Variants in FARSB observed in about 807,000 individuals in gnomAD.
FARSB encodes the protein phenylalanyl-tRNA synthetase subunit beta.
A neutral mutation model predicts 69.6 loss-of-function variants in FARSB; 40 were observed. That is an observed-to-expected ratio of 0.57 (90% CI 0.45 to 0.75). FARSB has a LOEUF of 0.75. FARSB is among the 30% of genes least tolerant of loss of function. FARSB has a pLI of 0.00. For synonymous variants in FARSB, 235 were observed against 247.2 expected (o/e 0.95, Z 0.46); for missense variants, 632 against 722.9 (o/e 0.87, Z 1.44).
chr2:222,628,016 C>G (rs1255600506), intron 10 of FARSB, among the ~76,000 whole-genome samples: 1 of 152,192 alleles, frequency 6.6e-6, no homozygotes, highest in African/African-American at 2.4e-5. Context: ...AAGAATAATA[C>G]TGGTTTAGAT....
At chr2:222,647,400 A>G (rs565876726) in intron 2 of FARSB, among the ~76,000 whole-genome samples, 218 of 152,306 alleles carry the variant, frequency 1.4e-3, no homozygotes, top group African/African-American at 5.0e-3. Context: ...AAGACCCACT[A>G]TGCAGTGGAT....
intron 1 of FARSB, 91 bp downstream of exon 1, chr2:222,655,925 G>T: frequency 9.3e-7 from 1 of 1,070,324 alleles, no homozygotes; most frequent in Non-Finnish European, 1.4e-6. Flanking sequence ...AAACCTTCAG[G>T]AAGGCATGAA....
intron 16 of FARSB, among the ~76,000 whole-genome samples, chr2:222,594,764 A>G (rs537162039): frequency 6.6e-6 from 1 of 152,336 alleles, no homozygotes; most frequent in African/African-American, 2.4e-5. Flanking sequence ...CAAGTACTAA[A>G]GTATCACGAA....
chr2:222,648,181 AT>A (rs1187131256), intron 2 of FARSB, among the ~76,000 whole-genome samples: 2 of 152,184 alleles, frequency 1.3e-5, no homozygotes, highest in South Asian at 2.1e-4. Context: ...AGCCGACTTG[AT>A]TTTTTTAAAT....
chr2:222,620,963 TC>T (rs1691120306), intron 13 of FARSB, among the ~76,000 whole-genome samples: 1 of 152,154 alleles, frequency 6.6e-6, no homozygotes, highest in Non-Finnish European at 1.5e-5. Context: ...AGAAAACAGC[TC>T]CCGGATCTGC....
intron 15 of FARSB, among the ~76,000 whole-genome samples, chr2:222,609,233 C>T (rs1690782711): frequency 6.6e-6 from 1 of 152,162 alleles, no homozygotes; most frequent in Non-Finnish European, 1.5e-5. Flanking sequence ...TTGGATTTTG[C>T]AAAATACAGT....
chr2:222,652,335 T>C (rs952655865), intron 1 of FARSB, among the ~76,000 whole-genome samples: 4 of 152,106 alleles, frequency 2.6e-5, no homozygotes, highest in Non-Finnish European at 1.5e-5. Context: ...GGGGAAACGG[T>C]GGTAGTCAGC....
chr2:222,571,964 C>T lies in FARSB; in HGVS notation c.1677G>A (p.Gly559=), dbSNP rs746834771. 1 of 1,613,936 alleles carries T rather than the reference C, an allele frequency of 6.2e-7. No individual in the cohort carries two copies. The highest frequency in any genetic ancestry group is 1.1e-5 in the South Asian group (1 of 91,058). ...AEIFARGQSV[G]KLGVLHPDVI... is the part of the protein sequence containing the mutation. ...CGTCAGGATGAAGGACCCCAAGCTTCCCGACGCTTTGACCCCTGGCAAAGA... is the reference window on the plus strand; with the variant it reads ...CGTCAGGATGAAGGACCCCAAGCTTTCCGACGCTTTGACCCCTGGCAAAGA... The change falls in exon 17 of 17, where the codon GGG becomes GGA. Residue 559 remains glycine, a synonymous_variant. Transcript: ENST00000281828.
At chr2:222,646,131 C>T (rs1461282512) in intron 2 of FARSB, among the ~76,000 whole-genome samples, 1 of 152,182 alleles carries the variant, frequency 6.6e-6, no homozygotes, top group African/African-American at 2.4e-5. Context: ...TGGCCCAATA[C>T]AATATAATTA....
intron 16 of FARSB, among the ~76,000 whole-genome samples, chr2:222,596,212 T>A (rs1170425078): frequency 2.0e-5 from 3 of 152,142 alleles, no homozygotes; most frequent in African/African-American, 7.2e-5. Context: ...CTCCACATGC[T>A]GCAGAGGACT....
chr2:222,620,436 A>G (rs141747371), intron 13 of FARSB, among the ~76,000 whole-genome samples: 11 of 152,320 alleles, frequency 7.2e-5, no homozygotes, highest in Non-Finnish European at 1.3e-4. Flanking sequence ...AACTCATAAC[A>G]AATAAACTGC....
chr2:222,617,671 GCCGGGAGTTCGAGA>G (rs1336809953), intron 14 of FARSB, among the ~76,000 whole-genome samples: 1 of 152,202 alleles, frequency 6.6e-6, no homozygotes, highest in African/African-American at 2.4e-5. Context: ...ATCACTTGAG[GCCGGGAGTTCGAGA>G]CCAGCCTGTC....
At chr2:222,601,054 G>C (rs1559197687) in intron 15 of FARSB, among the ~76,000 whole-genome samples, 1 of 139,408 alleles carries the variant, frequency 7.2e-6, no homozygotes, top group Non-Finnish European at 1.6e-5. Context: ...CCATTTATAT[G>C]AAGTATCTAA....
At chr2:222,603,804 T>C (rs543966819) in intron 15 of FARSB, among the ~76,000 whole-genome samples, 1 of 150,970 alleles carries the variant, frequency 6.6e-6, no homozygotes, top group Non-Finnish European at 1.5e-5. Flanking sequence ...CAGAATTAAC[T>C]GACTGTAAAA....
chr2:222,575,529 A>G (rs191033632), intron 16 of FARSB, among the ~76,000 whole-genome samples: 1 of 152,352 alleles, frequency 6.6e-6, no homozygotes. Flanking sequence ...ATCTAAGCCC[A>G]AAATGCTCCC....
rs573251322 is a variant in FARSB, at chr2:222,650,515, C to G, written c.59-1720G>C. 9.2e-5 allele frequency among the ~76,000 whole-genome samples: 14 copies of G among 152,142 alleles called. No individual in the cohort carries two copies. The East Asian group carries it at 2.7e-3, about 29-fold the overall frequency. On this transcript the variant is annotated intron_variant, in intron 1 of 16. Coordinates refer to ENST00000281828, the MANE Select transcript of FARSB (RefSeq NM_005687.5). ...AGGTGGAATGTATAAGGCTCGATGG[C>G]CGAATGATGGGAGGTAGGAATAGGG...
At chr2:222,592,936 G>A (rs1283007193) in intron 16 of FARSB, among the ~76,000 whole-genome samples, 1 of 151,902 alleles carries the variant, frequency 6.6e-6, no homozygotes, top group Non-Finnish European at 1.5e-5. Context: ...ACCTCCCCAG[G>A]ACATGAATCT....
Position 222,570,905 on chromosome 2 carries a change from G to A in FARSB, c.*966C>T, listed in dbSNP as rs1329866287. ...TTACTTCAATAGTACCTGGGAACTT[G>A]TCTCAAACATGAGACCCAGCTTTTT... On this transcript the variant is annotated 3_prime_UTR_variant, in exon 17 of 17. Coordinates refer to ENST00000281828, the MANE Select transcript of FARSB (RefSeq NM_005687.5). 1 of 152,038 alleles carries A rather than the reference G, an allele frequency of 6.6e-6. No individual in the cohort carries two copies. The allele number at this position is 152,038 out of a possible 1,614,324, so 9.4% of individuals were successfully genotyped here.
chr2:222,625,022 C>T (rs1574940062), intron 10 of FARSB, among the ~76,000 whole-genome samples: 1 of 152,196 alleles, frequency 6.6e-6, no homozygotes, highest in African/African-American at 2.4e-5. Flanking sequence ...AAATGCCAAA[C>T]AATTTTCCCT....
Sources: allele counts gnomAD v4.1 joint callset (sites outside exome capture counted in the v4.1 genomes callset), GRCh38; gene constraint gnomAD v4.1.1; transcripts MANE v1.5; gene names NCBI Gene and HGNC (gene_info 2026-07-23, HGNC 2026-07-21).